The following TOMM34 variants were observed in gnomAD, a reference collection of about 807,000 sequenced individuals.
TOMM34 encodes translocase of outer mitochondrial membrane 34, also known as mitochondrial import receptor subunit TOM34.
Under a neutral mutation model 37.4 loss-of-function variants are expected in TOMM34, and 24 were observed. The observed-to-expected ratio is 0.64, with a 90% CI of 0.46 to 0.90. The LOEUF is 0.90. TOMM34 is among the 40% of genes least tolerant of loss of function. The pLI is 0.00. For missense variants in TOMM34, 304 were observed against 375.6 expected (o/e 0.81, Z 1.58); for synonymous variants, 154 against 148.9 (o/e 1.03, Z -0.25).
chr20:44,946,184 T>C (rs1277050518), intron 5 of TOMM34, among the ~76,000 whole-genome samples: 5 of 152,118 alleles, frequency 3.3e-5, no homozygotes, highest in African/African-American at 7.2e-5. Context: ...AATTAAAGTT[T>C]CCTCCCAATG....
chr20:44,942,914 T>C lies in TOMM34; in HGVS notation c.*195A>G. 1.6e-6 allele frequency: 1 copy of C among 610,320 alleles called. No homozygotes were observed. The highest frequency in any genetic ancestry group is 2.9e-6 in the Non-Finnish European group (1 of 340,820). 37.8% of individuals were successfully genotyped at this position (610,320 alleles called of 1,614,324 possible). On this transcript the variant is annotated 3_prime_UTR_variant, in exon 7 of 7. Coordinates refer to ENST00000372813, the MANE Select transcript of TOMM34 (RefSeq NM_006809.5). ...GGGGACCTTTCTGGTGCAACAACCATGTCTGTGTTTGACTACACTGAGTTT... is the reference window on the plus strand; with the variant it reads ...GGGGACCTTTCTGGTGCAACAACCACGTCTGTGTTTGACTACACTGAGTTT...
intron 5 of TOMM34, among the ~76,000 whole-genome samples, 175 bp downstream of exon 5, chr20:44,948,555 A>G (rs556779163): frequency 1.3e-5 from 2 of 152,258 alleles, no homozygotes; most frequent in Non-Finnish European, 2.9e-5. Flanking sequence ...CTCAGTTTCT[A>G]CCCTTTTGAG....
At chr20:44,943,304 C>T in intron 6 of TOMM34, 91 bp from the exon 7 acceptor site, 1 of 1,596,442 alleles carries the variant, frequency 6.3e-7, no homozygotes, top group Non-Finnish European at 8.6e-7. Flanking sequence ...CAAACCCCAG[C>T]CCACAGGCCT....
Position 44,943,483 on chromosome 20 carries a change from G to A in TOMM34, c.795C>T (p.Tyr265=), listed in dbSNP as rs1249993298. 2 of 1,614,068 alleles carry A rather than the reference G, an allele frequency of 1.2e-6. No individual in the cohort carries two copies. Among genetic ancestry groups the A allele is most frequent in the Non-Finnish European group, 1.7e-6 (2 of 1,180,042 alleles). Residue 265 remains tyrosine (Y), a synonymous_variant, in exon 6 of 7, where the codon TAC becomes TAT. Transcript: ENST00000372813. Reference sequence around the variant, plus strand: ...GTGCTTTGTGGGCTTGAGCCCGTCTGTAGAATGCCTTCACGTTCTTTCCAT... The same window carrying A: ...GTGCTTTGTGGGCTTGAGCCCGTCTATAGAATGCCTTCACGTTCTTTCCAT... The part of the protein sequence containing the change: ...KLDGKNVKAF[Y]RRAQAHKALK...
chr20:44,950,013 C>T (rs2067012910), intron 4 of TOMM34, among the ~76,000 whole-genome samples: 1 of 152,216 alleles, frequency 6.6e-6, no homozygotes. Context: ...AATACCAAAG[C>T]TGAATTGTCC....
chr20:44,948,948 G>C, intron 4 of TOMM34, 71 bp from the exon 5 acceptor site: 1 of 1,551,446 alleles, frequency 6.4e-7, no homozygotes. Flanking sequence ...GGTCTCTTCA[G>C]CATCGTCCCT....
At chr20:44,946,737 C>T (rs1234463236) in intron 5 of TOMM34, among the ~76,000 whole-genome samples, 2 of 152,230 alleles carry the variant, frequency 1.3e-5, no homozygotes, top group African/African-American at 4.8e-5. Flanking sequence ...GAGCATTAGA[C>T]TATGTCCAAG....
intron 1 of TOMM34, among the ~76,000 whole-genome samples, chr20:44,959,505 A>G (rs545653718): frequency 2.6e-5 from 4 of 151,936 alleles, no homozygotes; most frequent in African/African-American, 7.3e-5. Context: ...AGTTTACAAC[A>G]CCTCCACAAT....
rs2067059808 is a variant in TOMM34 at position 44,955,098 on chromosome 20, T to C, written c.350A>G (p.Asn117Ser). The change falls in exon 3 of 7, where the codon AAT becomes AGT. Residue 117 changes from asparagine to serine, a missense_variant. Asn to Ser is a conservative substitution (Grantham distance 46, BLOSUM62 1). Coordinates refer to ENST00000372813, the MANE Select transcript of TOMM34 (RefSeq NM_006809.5). ...DYKTVLQIDD[N>S]VTSAVEGINR... ...GATGCCTTCTACGGCTGACGTCACATTATCATCAATCTGCAGCACAGTCTT... is the reference window on the plus strand; with the variant it reads ...GATGCCTTCTACGGCTGACGTCACACTATCATCAATCTGCAGCACAGTCTT... 1.2e-6 allele frequency: 2 copies of C among 1,614,126 alleles called. No individual in the cohort carries two copies. Among genetic ancestry groups the C allele is most frequent in the Non-Finnish European group, 8.5e-7 (1 of 1,180,022 alleles).
At position 44,955,521 on chromosome 20, in the gene TOMM34, G is replaced by C. The variant is rs1272782220; in HGVS notation, c.228-301C>G. Reference sequence around the variant, plus strand: ...AGCCTCATGGCTTTCATGCTACTATGTTTTTTTACAGTTGTGGTCTAGTGG... The same window carrying C: ...AGCCTCATGGCTTTCATGCTACTATCTTTTTTTACAGTTGTGGTCTAGTGG... On this transcript the variant is annotated intron_variant, in intron 2 of 6. Transcript: ENST00000372813. The C allele has an allele frequency of 1.6e-5, 8 of 511,182 alleles. No homozygotes were observed. The East Asian group carries it at 4.2e-4, about 27-fold the overall frequency. 31.7% of individuals were successfully genotyped at this position (511,182 alleles called of 1,614,324 possible).
chr20:44,944,166 T>C (rs1472568234), intron 5 of TOMM34, among the ~76,000 whole-genome samples: 2 of 152,244 alleles, frequency 1.3e-5, no homozygotes, highest in Non-Finnish European at 2.9e-5. Flanking sequence ...GTGTTCAATG[T>C]ACAAATCTTT....
rs2067114162 is a variant in TOMM34 at position 44,960,230 on chromosome 20, G to A, written c.104C>T (p.Ala35Val). Residue 35 changes from alanine to valine, a missense_variant, in exon 1 of 7, where the codon GCG (alanine) becomes GTG (valine). Transcript: ENST00000372813. ...YAEASALYGR[A>V]LRVLQAQGSS... ...ACCTTGCGCCTGCAGCACCCGCAGC[G>A]CGCGGCCGTAGAGCGCGGAGGCCTC... is the stretch of plus-strand genomic sequence containing the variant. 6.4e-7 allele frequency: 1 copy of A among 1,561,858 alleles called. No homozygotes were observed. The highest frequency in any genetic ancestry group is 8.7e-7 in the Non-Finnish European group (1 of 1,154,172).
At chr20:44,950,478 GC>G (rs1428744176) in intron 4 of TOMM34, among the ~76,000 whole-genome samples, 6 of 152,292 alleles carry the variant, frequency 3.9e-5, no homozygotes, top group Admixed American at 3.3e-4. Context: ...TTCCCTGAGG[GC>G]CAAGACTGTC....
At position 44,948,818 on chromosome 20, in the gene TOMM34, C is replaced by T. The variant is rs757265520; in HGVS notation, c.610G>A (p.Val204Ile). ...GCTTTCTTATGGTTTCCCTTCTTTA[C>T]AAGCTCATTGCCTTCTTCCTTCAGA... ...RVLKEEGNEL[V>I]KKGNHKKAIE... The change falls in exon 5 of 7, where the codon GTA becomes ATA. Residue 204 changes from valine (V) to isoleucine (I), a missense_variant. Physicochemically the swap from Val to Ile is conservative, Grantham distance 29. Transcript: ENST00000372813. The T allele has an allele frequency of 1.2e-6, 2 of 1,614,022 alleles. No individual in the cohort carries two copies. The highest frequency in any genetic ancestry group is 2.2e-5 in the East Asian group (1 of 44,900).
chr20:44,946,246 C>T (rs1237350031), intron 5 of TOMM34, among the ~76,000 whole-genome samples: 2 of 152,134 alleles, frequency 1.3e-5, no homozygotes, highest in South Asian at 2.1e-4. Context: ...GAGGAACCAC[C>T]GTGTATCGTG....
chr20:44,945,506 C>G (rs892069827), intron 5 of TOMM34, among the ~76,000 whole-genome samples: 1 of 152,178 alleles, frequency 6.6e-6, no homozygotes, highest in Non-Finnish European at 1.5e-5. Context: ...GCTCTTGGAG[C>G]CTTGAACTGA....
At chr20:44,959,619 G>T (rs891670233) in intron 1 of TOMM34, among the ~76,000 whole-genome samples, 4 of 145,580 alleles carry the variant, frequency 2.7e-5, no homozygotes, top group Admixed American at 2.7e-4. Context: ...TCGTCTTGGA[G>T]GGGGGGCCTT....
intron 4 of TOMM34, among the ~76,000 whole-genome samples, chr20:44,951,254 G>A (rs1219864729): frequency 6.6e-6 from 1 of 152,124 alleles, no homozygotes; most frequent in Non-Finnish European, 1.5e-5. Context: ...CTTTCTCTGG[G>A]TCATGAGGCA....
intron 3 of TOMM34, among the ~76,000 whole-genome samples, chr20:44,953,159 T>G (rs1305670437): frequency 6.6e-6 from 1 of 152,130 alleles, no homozygotes; most frequent in Admixed American, 6.5e-5. Flanking sequence ...CGTCAGCATT[T>G]AAGTCCCTTT....
Sources: gnomAD v4.1 joint callset for allele counts (sites outside exome capture counted in the v4.1 genomes callset) on GRCh38, gnomAD v4.1.1 for gene constraint, MANE v1.5 for transcripts, NCBI Gene and HGNC (gene_info 2026-07-23, HGNC 2026-07-21) for gene names.